Variants in TANC2 observed in about 807,000 individuals in gnomAD.
TANC2 encodes tetratricopeptide repeat, ankyrin repeat and coiled-coil containing 2, also known as protein TANC2.
Under a neutral mutation model 210.5 loss-of-function variants are expected in TANC2, and 26 were observed. The ratio of observed to expected loss-of-function variants is 0.12; its 90% confidence interval spans 0.09 to 0.17. TANC2 has a LOEUF of 0.17. TANC2 is among the 10% of genes least tolerant of loss of function. The pLI is 1.00. For missense variants in TANC2, 2,129 were observed against 2,608.9 expected (o/e 0.82, Z 4.01); for synonymous variants, 931 against 967.1 (o/e 0.96, Z 0.69).
chr17:63,200,880 C>G, exon 7 of TANC2: 13 of 1,613,896 alleles, frequency 8.1e-6, no homozygotes, highest in Non-Finnish European at 1.1e-5. Flanking sequence ...AGTACAAATG[C>G]AACTGCCAAG....
chr17:63,229,927 G>A (rs2042427909), intron 7 of TANC2, among the ~76,000 whole-genome samples: 1 of 151,964 alleles, frequency 6.6e-6, no homozygotes, highest in South Asian at 2.1e-4. Context: ...CTGAGTAGCT[G>A]GGATTACAGG....
At chr17:63,038,559 T>C (rs1434811647) in intron 2 of TANC2, among the ~76,000 whole-genome samples, 3 of 152,188 alleles carry the variant, frequency 2.0e-5, no homozygotes, top group Admixed American at 6.5e-5. Context: ...TATTTTCTGC[T>C]CTTCTGTTTT....
rs562622659 is a variant in TANC2, at chr17:63,036,789, AT to A, written c.67+27166del. ...TTCTTCCTTGATATTTTTCATCAGCATTTGGTAGTTTCCAGCATATAGATCT... is the reference window on the plus strand; with the variant it reads ...TTCTTCCTTGATATTTTTCATCAGCATTGGTAGTTTCCAGCATATAGATCT... On this transcript the variant is annotated intron_variant, in intron 2 of 27. Transcript: ENST00000689528. 6.0e-5 allele frequency among the ~76,000 whole-genome samples: 9 copies of A among 149,196 alleles called. No individual in the cohort carries two copies. The South Asian group carries it at 1.9e-3, about 31-fold the overall frequency.
At chr17:63,361,283 C>T (rs965267126) in intron 14 of TANC2, among the ~76,000 whole-genome samples, 3 of 152,178 alleles carry the variant, frequency 2.0e-5, no homozygotes, top group African/African-American at 4.8e-5. Flanking sequence ...CCTTTGGGAT[C>T]GTTCTGCCTA....
intron 1 of TANC2, among the ~76,000 whole-genome samples, chr17:62,972,805 C>G (rs2031777061): frequency 6.6e-6 from 1 of 152,186 alleles, no homozygotes; most frequent in Non-Finnish European, 1.5e-5. Context: ...GTGGTTCCTT[C>G]AGTATGTAGT....
intron 8 of TANC2, among the ~76,000 whole-genome samples, chr17:63,254,658 C>T (rs747469352): frequency 5.3e-5 from 8 of 152,114 alleles, no homozygotes; most frequent in Non-Finnish European, 1.0e-4. Flanking sequence ...CTTCTGTACC[C>T]AGTTTTTTTA....
intron 26 of TANC2, among the ~76,000 whole-genome samples, chr17:63,416,580 G>A (rs1451288183): frequency 1.3e-5 from 2 of 152,190 alleles, no homozygotes; most frequent in Non-Finnish European, 2.9e-5. Flanking sequence ...ACACTGGAAG[G>A]AACCTGAGTT....
At chr17:63,233,185 G>A (rs2042526838) in intron 7 of TANC2, among the ~76,000 whole-genome samples, 1 of 152,152 alleles carries the variant, frequency 6.6e-6, no homozygotes, top group South Asian at 2.1e-4. Flanking sequence ...TCTTAGGTAG[G>A]AGGCAGCCAC....
intron 11 of TANC2, among the ~76,000 whole-genome samples, chr17:63,336,823 G>A (rs952953856): frequency 1.3e-5 from 2 of 152,198 alleles, no homozygotes; most frequent in Non-Finnish European, 2.9e-5. Flanking sequence ...AATTCGCCAA[G>A]GAGAAAGGTT....
intron 11 of TANC2, among the ~76,000 whole-genome samples, chr17:63,330,378 T>C (rs2045796950): frequency 1.3e-5 from 2 of 152,212 alleles, no homozygotes; most frequent in South Asian, 4.1e-4. Context: ...ACTTAAACCA[T>C]AGATTTTCCT....
chr17:63,262,760 T>C (rs1365038854), intron 8 of TANC2, among the ~76,000 whole-genome samples: 1 of 152,164 alleles, frequency 6.6e-6, no homozygotes, highest in African/African-American at 2.4e-5. Context: ...CCCTGCATCT[T>C]GGCCTAAACT....
rs182954753 is a variant in TANC2 at position 63,191,322 on chromosome 17, A to G, written c.434-2669A>G. 4.7e-5 allele frequency among the ~76,000 whole-genome samples: 7 copies of G among 148,922 alleles called. No individual in the cohort carries two copies. In the East Asian group the frequency reaches 1.3e-3, roughly 27 times the overall value. On this transcript the variant is annotated intron_variant, in intron 5 of 27. Transcript: ENST00000689528. The stretch of plus-strand genomic sequence containing the variant: ...TGCAAAAGTAATTGTGGTTTTTGCC[A>G]TTACCTTTAATGGTGCCATAATGGC...
At chr17:63,351,260 C>T in exon 13 of TANC2, 1 of 1,602,830 alleles carries the variant, frequency 6.2e-7, no homozygotes, top group Non-Finnish European at 8.5e-7. Flanking sequence ...AGAGAAAAAT[C>T]CCAGATGAAG....
Position 63,421,965 on chromosome 17 carries a change from T to C in TANC2, c.*10T>C, listed in dbSNP as rs2049037036. On this transcript the variant is annotated 3_prime_UTR_variant, in exon 28 of 28. Transcript: ENST00000689528. The surrounding 1 kb of genome is among the most constrained non-coding windows in gnomAD (Gnocchi z 6.9). ...GGAGTCTAATGTTTAAAAGACGTTT[T>C]GTTGGAGTGAGACCCATATGTTTTC... is the stretch of plus-strand genomic sequence containing the variant. 3 of 1,589,222 alleles carry C rather than the reference T, an allele frequency of 1.9e-6. No homozygotes were observed. Among genetic ancestry groups the C allele is most frequent in the Non-Finnish European group, 2.6e-6 (3 of 1,167,378 alleles).
intron 4 of TANC2, among the ~76,000 whole-genome samples, chr17:63,111,405 C>T (rs2038038313): frequency 6.6e-6 from 1 of 152,196 alleles, no homozygotes; most frequent in African/African-American, 2.4e-5. Flanking sequence ...AAAATCACTA[C>T]ATAATTTATC....
At chr17:63,263,782 A>G (rs553709323) in intron 8 of TANC2, among the ~76,000 whole-genome samples, 3 of 152,276 alleles carry the variant, frequency 2.0e-5, no homozygotes, top group East Asian at 1.9e-4. Context: ...TTGAGCACCT[A>G]TTTTATGCCA....
At chr17:63,052,126 G>C (rs954077612) in intron 2 of TANC2, among the ~76,000 whole-genome samples, 1 of 152,138 alleles carries the variant, frequency 6.6e-6, no homozygotes, top group Non-Finnish European at 1.5e-5. Flanking sequence ...AAAGGAACTT[G>C]TTGTTGATCA....
At chr17:63,411,427 A>G in intron 21 of TANC2, 84 bp from the exon 22 acceptor site, 1 of 1,345,714 alleles carries the variant, frequency 7.4e-7, no homozygotes. Flanking sequence ...TGTTCTTTGC[A>G]GGAGCATGCC....
intron 2 of TANC2, among the ~76,000 whole-genome samples, chr17:63,052,998 C>T (rs7220986): frequency 0.021 from 3,205 of 152,244 alleles, 102 homozygotes; most frequent in African/African-American, 0.071. Flanking sequence ...AGATTTGGCT[C>T]GCAAGAGTGT....
Sources: gnomAD v4.1 joint callset for allele counts (sites outside exome capture counted in the v4.1 genomes callset) on GRCh38, gnomAD v4.1.1 for gene constraint, Gnocchi (gnomAD v3.1) non-coding constraint, MANE v1.5 for transcripts, NCBI Gene and HGNC (gene_info 2026-07-23, HGNC 2026-07-21) for gene names.